PBX1: variants seen among roughly 807,000 people sequenced by gnomAD.
PBX1 encodes the protein pre-B-cell leukemia transcription factor 1.
Under a neutral mutation model 53.4 loss-of-function variants are expected in PBX1, and 6 were observed. That is an observed-to-expected ratio of 0.11 (90% CI 0.06 to 0.22). PBX1 has a LOEUF of 0.22. PBX1 is among the 10% of genes least tolerant of loss of function. PBX1 has a pLI of 1.00. For synonymous variants in PBX1, 204 were observed against 212.3 expected, an observed-to-expected ratio of 0.96 and a Z score of 0.34; for missense variants, 251 against 551.4, an observed-to-expected ratio of 0.46 and a Z score of 5.46.
chr1:164,656,178 A>C (rs1259841900), intron 2 of PBX1, among the ~76,000 whole-genome samples: 1 of 152,238 alleles, frequency 6.6e-6, no homozygotes, highest in Non-Finnish European at 1.5e-5. Context: ...ATGGCTACTC[A>C]GTGGTAAGAA....
intron 2 of PBX1, among the ~76,000 whole-genome samples, chr1:164,622,256 G>A (rs1266255079): frequency 1.3e-5 from 2 of 151,856 alleles, no homozygotes; most frequent in Non-Finnish European, 2.9e-5. Flanking sequence ...TTGTGAAGCT[G>A]TTCCAAGGAA....
chr1:164,876,647 T>C, intron 2 of PBX1, among the ~76,000 whole-genome samples: 1 of 152,010 alleles, frequency 6.6e-6, no homozygotes, highest in Non-Finnish European at 1.5e-5. Context: ...GGCCAGCACA[T>C]TAAGGTAATA....
rs532393186 is a variant in PBX1 at position 164,601,621 on chromosome 1, G to T, written c.265+38310G>T. 7.9e-5 allele frequency among the ~76,000 whole-genome samples: 12 copies of T among 152,256 alleles called. No individual in the cohort carries two copies. In the South Asian group the frequency reaches 2.5e-3, roughly 32 times the overall value. On this transcript the variant is annotated intron_variant, in intron 2 of 8. Coordinates refer to ENST00000420696, the MANE Select transcript of PBX1 (RefSeq NM_002585.4). ...CTGTGGCAGGAGGGTCTTAATTTTG[G>T]CAGAACAGGGCATGGTGTTGCATCT...
chr1:164,878,914 G>A (rs922865261), intron 2 of PBX1, among the ~76,000 whole-genome samples: 2 of 152,198 alleles, frequency 1.3e-5, no homozygotes, highest in African/African-American at 4.8e-5. Context: ...AATTATGGCA[G>A]CCGGAGCATA....
At chr1:164,797,914 T>A (rs1003906732) in intron 3 of PBX1, among the ~76,000 whole-genome samples, 1 of 152,234 alleles carries the variant, frequency 6.6e-6, no homozygotes, top group Admixed American at 6.5e-5. Flanking sequence ...AGGCAGGAGC[T>A]GAACCCAGAC....
intron 8 of PBX1, among the ~76,000 whole-genome samples, chr1:164,839,330 C>G (rs1304780793): frequency 6.6e-6 from 1 of 152,038 alleles, no homozygotes; most frequent in Non-Finnish European, 1.5e-5. Flanking sequence ...CACTGTATGC[C>G]CAGTATGTAG....
chr1:164,781,333 G>A (rs1049848321), intron 2 of PBX1, among the ~76,000 whole-genome samples: 1 of 152,140 alleles, frequency 6.6e-6, no homozygotes, highest in Non-Finnish European at 1.5e-5. Flanking sequence ...AGGGTGCATT[G>A]GGATCTCTCT....
intron 2 of PBX1, among the ~76,000 whole-genome samples, chr1:164,605,657 A>G (rs1240013644): frequency 6.6e-6 from 1 of 152,244 alleles, no homozygotes; most frequent in African/African-American, 2.4e-5. Flanking sequence ...GACCAAGCAT[A>G]TAAATAAAGC....
At chr1:164,732,564 T>C (rs892165180) in intron 2 of PBX1, among the ~76,000 whole-genome samples, 2 of 152,114 alleles carry the variant, frequency 1.3e-5, no homozygotes, top group Non-Finnish European at 2.9e-5. Flanking sequence ...ATTAGGTTGG[T>C]GCAAAAGTAA....
intron 8 of PBX1, among the ~76,000 whole-genome samples, chr1:164,836,255 C>G (rs1671033031): frequency 6.6e-6 from 1 of 152,100 alleles, no homozygotes; most frequent in South Asian, 2.1e-4. Context: ...GACATCTCAC[C>G]ATCATATGCT....
chr1:164,786,192 A>G (rs1002240702), intron 2 of PBX1, among the ~76,000 whole-genome samples: 3 of 152,096 alleles, frequency 2.0e-5, no homozygotes, highest in African/African-American at 7.2e-5. Context: ...TCCCTCCTTG[A>G]TTCTTTATTA....
At chr1:164,623,619 G>C (rs1032950933) in intron 2 of PBX1, among the ~76,000 whole-genome samples, 1 of 152,056 alleles carries the variant, frequency 6.6e-6, no homozygotes, top group East Asian at 1.9e-4. Flanking sequence ...CTCGTGCCTT[G>C]CATCTCCTCT....
intron 2 of PBX1, among the ~76,000 whole-genome samples, chr1:164,711,975 T>C (rs1780331): frequency 6.6e-6 from 1 of 151,952 alleles, no homozygotes; most frequent in South Asian, 2.1e-4. Context: ...GCTGTAGTGG[T>C]TCCCCTTTGC....
At chr1:164,865,908 A>G (rs1294891411) in intron 2 of PBX1, among the ~76,000 whole-genome samples, 3 of 152,188 alleles carry the variant, frequency 2.0e-5, no homozygotes, top group African/African-American at 4.8e-5. Flanking sequence ...TGCTGCATTA[A>G]AGTAAAATTT....
chr1:164,727,708 C>T (rs537756543), intron 2 of PBX1, among the ~76,000 whole-genome samples: 62 of 152,298 alleles, frequency 4.1e-4, no homozygotes, highest in South Asian at 1.5e-3. Context: ...TGAGGCTCTT[C>T]GCCATCGTTG....
rs1050760656 is a variant in PBX1 at position 164,600,852 on chromosome 1, A to G, written c.265+37541A>G. Among the ~76,000 whole-genome samples the G allele has an allele frequency of 4.1e-4, 62 of 152,312 alleles. 1 individual carries two copies. The highest frequency in any genetic ancestry group is 3.2e-3 in the Admixed American group (49 of 15,304). ...ATCCAGCCACTGAAGTAATCCAAAC[A>G]ACTCACTTCTAATGGGCCAGAGGTT... On this transcript the variant is annotated intron_variant, in intron 2 of 8. Coordinates refer to ENST00000420696, the MANE Select transcript of PBX1 (RefSeq NM_002585.4).
At chr1:164,765,146 CAT>C (rs1412620783) in intron 2 of PBX1, among the ~76,000 whole-genome samples, 3 of 152,050 alleles carry the variant, frequency 2.0e-5, no homozygotes, top group Non-Finnish European at 4.4e-5. Context: ...GTTTTAGAAA[CAT>C]ATAGAGGTGA....
At chr1:164,870,099 GA>G (rs1672311722) in intron 2 of PBX1, among the ~76,000 whole-genome samples, 1 of 152,162 alleles carries the variant, frequency 6.6e-6, no homozygotes, top group South Asian at 2.1e-4. Context: ...TAGGACTCAG[GA>G]GACCTAGGCC....
intron 2 of PBX1, among the ~76,000 whole-genome samples, chr1:164,724,933 T>C (rs1008717363): frequency 5.9e-5 from 9 of 152,066 alleles, no homozygotes; most frequent in Admixed American, 5.2e-4. Flanking sequence ...CTGCAGACAA[T>C]TGCTCGGATC....
Sources: gnomAD v4.1 joint callset for allele counts (sites outside exome capture counted in the v4.1 genomes callset) on GRCh38, gnomAD v4.1.1 for gene constraint, MANE v1.5 for transcripts, NCBI Gene and HGNC (gene_info 2026-07-23, HGNC 2026-07-21) for gene names.